Variants in ZNF385B observed in about 807,000 individuals in gnomAD.
ZNF385B encodes zinc finger protein 385B, also known as zinc finger protein 533.
Under a neutral mutation model 39.2 loss-of-function variants are expected in ZNF385B, and 23 were observed. The observed-to-expected ratio is 0.59, with a 90% CI of 0.42 to 0.83. ZNF385B has a LOEUF of 0.83. Among genes scored for constraint, ZNF385B ranks in the 40% least tolerant of loss-of-function variants. The pLI is 0.00. For synonymous variants in ZNF385B, 205 were observed against 222.6 expected, an observed-to-expected ratio of 0.92 and a Z score of 0.70; for missense variants, 552 against 598.9, an observed-to-expected ratio of 0.92 and a Z score of 0.82.
intron 3 of ZNF385B, among the ~76,000 whole-genome samples, chr2:179,634,098 A>C (rs1691495954): frequency 6.6e-6 from 1 of 152,180 alleles, no homozygotes; most frequent in Admixed American, 6.5e-5. Context: ...CTAAAACCAT[A>C]AAAAAACCTA....
intron 3 of ZNF385B, among the ~76,000 whole-genome samples, chr2:179,581,458 G>A (rs945047537): frequency 6.6e-6 from 1 of 152,148 alleles, no homozygotes; most frequent in African/African-American, 2.4e-5. Context: ...TGCAAACATA[G>A]TTTCCTAGGA....
At chr2:179,571,394 G>T (rs1418907507) in intron 3 of ZNF385B, among the ~76,000 whole-genome samples, 1 of 152,146 alleles carries the variant, frequency 6.6e-6, no homozygotes. Context: ...CTTTTAAAGA[G>T]TCTAACCTCA....
intron 6 of ZNF385B, among the ~76,000 whole-genome samples, chr2:179,460,911 G>T (rs1003089513): frequency 6.6e-5 from 10 of 152,160 alleles, no homozygotes; most frequent in African/African-American, 2.4e-4. Flanking sequence ...GGCTAGCCTT[G>T]CAACTATTAA....
In ZNF385B at chr2:179,718,233, T is replaced by C. The variant is rs192005890; in HGVS notation, c.298+51270A>G. ...AATGTAGAAAGCATTTATCTAAGAT[T>C]TTATTTATCCACACGCATGTTGACA... On this transcript the variant is annotated intron_variant, in intron 3 of 9. Coordinates refer to ENST00000410066, the MANE Select transcript of ZNF385B (RefSeq NM_152520.6). 6.3e-3 allele frequency among the ~76,000 whole-genome samples: 949 copies of C among 151,822 alleles called. 4 individuals are homozygous for C. Among genetic ancestry groups the C allele is most frequent in the Admixed American group, 0.012 (183 of 15,246 alleles).
At chr2:179,703,484 T>C (rs1425026745) in intron 3 of ZNF385B, among the ~76,000 whole-genome samples, 4 of 152,232 alleles carry the variant, frequency 2.6e-5, no homozygotes, top group Non-Finnish European at 1.5e-5. Context: ...GTATATTGTC[T>C]GTCTCCCCAT....
At chr2:179,738,786 A>C (rs1012969121) in intron 3 of ZNF385B, among the ~76,000 whole-genome samples, 3 of 152,190 alleles carry the variant, frequency 2.0e-5, no homozygotes, top group African/African-American at 7.2e-5. Flanking sequence ...CAGTTTGATA[A>C]CATCTACAGA....
At chr2:179,730,625 CA>C (rs1484858198) in intron 3 of ZNF385B, among the ~76,000 whole-genome samples, 1 of 151,974 alleles carries the variant, frequency 6.6e-6, no homozygotes, top group Non-Finnish European at 1.5e-5. Flanking sequence ...TCAATTATTG[CA>C]ATAAAGTCCA....
At chr2:179,810,590 TGTC>T (rs1177998053) in intron 1 of ZNF385B, among the ~76,000 whole-genome samples, 6 of 152,014 alleles carry the variant, frequency 3.9e-5, no homozygotes, top group African/African-American at 1.4e-4. Context: ...GGATCCACAT[TGTC>T]ATCATCATCA....
chr2:179,565,743 C>T (rs1684491285), intron 3 of ZNF385B, among the ~76,000 whole-genome samples: 2 of 152,216 alleles, frequency 1.3e-5, no homozygotes, highest in African/African-American at 2.4e-5. Context: ...TAAATTCTCT[C>T]GATTTTCAAG....
intron 1 of ZNF385B, among the ~76,000 whole-genome samples, chr2:179,857,564 C>T (rs1169921158): frequency 6.6e-6 from 1 of 152,122 alleles, no homozygotes; most frequent in African/African-American, 2.4e-5. Context: ...AGCTCAGAGA[C>T]CTGCTGTGTT....
chr2:179,462,021 C>T (rs1192158554), intron 6 of ZNF385B, among the ~76,000 whole-genome samples: 1 of 152,160 alleles, frequency 6.6e-6, no homozygotes, highest in East Asian at 1.9e-4. Flanking sequence ...GCACTTTGTG[C>T]TTTCTGAGGT....
intron 1 of ZNF385B, among the ~76,000 whole-genome samples, chr2:179,840,834 G>A (rs1475489158): frequency 6.6e-6 from 1 of 152,110 alleles, no homozygotes; most frequent in Non-Finnish European, 1.5e-5. Flanking sequence ...TGCACAAAAT[G>A]TTCTTAGGGA....
intron 3 of ZNF385B, among the ~76,000 whole-genome samples, chr2:179,757,118 T>C (rs1176908919): frequency 6.6e-6 from 1 of 152,190 alleles, no homozygotes; most frequent in African/African-American, 2.4e-5. Context: ...TCTTTGATGA[T>C]GGTGACGTAC....
At chr2:179,564,244 G>A (rs1251774851) in intron 3 of ZNF385B, among the ~76,000 whole-genome samples, 1 of 152,140 alleles carries the variant, frequency 6.6e-6, no homozygotes, top group African/African-American at 2.4e-5. Context: ...CATAGTGCAG[G>A]TATGTACCAA....
chr2:179,583,038 G>A (rs1231587150), intron 3 of ZNF385B, among the ~76,000 whole-genome samples: 2 of 151,998 alleles, frequency 1.3e-5, no homozygotes, highest in Admixed American at 6.6e-5. Context: ...TAGTAGAGAC[G>A]GGGGTTTCAC....
At position 179,443,017 on chromosome 2, in the gene ZNF385B, AG is replaced by A. The variant is rs1229500542; in HGVS notation, c.*232del. The A allele has an allele frequency of 1.7e-6, 1 of 596,596 alleles. No homozygotes were observed. The highest frequency in any genetic ancestry group is 2.9e-5 in the Admixed American group (1 of 34,912). The allele number at this position is 596,596 out of a possible 1,614,324, so 37.0% of individuals were successfully genotyped here. On this transcript the variant is annotated 3_prime_UTR_variant, in exon 10 of 10. Transcript: ENST00000410066. ...CAAATTGAACGCGGTAGGGTGGGGG[AG>A]GAAGTAGGGAGATAAAGCCTATGCT...
Position 179,453,498 on chromosome 2 carries a change from C to A in ZNF385B, c.716-6728G>T, listed in dbSNP as rs556432981. On this transcript the variant is annotated intron_variant, in intron 6 of 9. Transcript: ENST00000410066. ...GGTCTGGTTGGGAGCTTCTGAATCC[C>A]AAACTAATAAAGCTAGAAATGGAGG... is the stretch of plus-strand genomic sequence containing the variant. Among the ~76,000 whole-genome samples the A allele has an allele frequency of 1.7e-4, 26 of 152,200 alleles. No homozygotes were observed. In the East Asian group the frequency reaches 4.4e-3, roughly 26 times the overall value.
In ZNF385B at chr2:179,495,050, C is replaced by T. The variant is rs376471514; in HGVS notation, c.553-11616G>A. Among the ~76,000 whole-genome samples, 28 of 152,240 alleles carry T rather than the reference C, an allele frequency of 1.8e-4. 1 individual carries two copies. The highest frequency in any genetic ancestry group is 5.8e-4 in the African/African-American group (24 of 41,548). On this transcript the variant is annotated intron_variant, in intron 5 of 9. Coordinates refer to ENST00000410066, the MANE Select transcript of ZNF385B (RefSeq NM_152520.6). ...ACGGCCACAGAGGGATAGAGCACCA[C>T]GTGTACTCCTGGGGTCCCCAGATCC...
At chr2:179,653,821 G>A (rs1300960109) in intron 3 of ZNF385B, among the ~76,000 whole-genome samples, 7 of 152,032 alleles carry the variant, frequency 4.6e-5, no homozygotes, top group Non-Finnish European at 8.8e-5. Flanking sequence ...CCCAGCTAGC[G>A]AACAAACTCA....
Sources: allele counts gnomAD v4.1 joint callset (sites outside exome capture counted in the v4.1 genomes callset), GRCh38; gene constraint gnomAD v4.1.1; transcripts MANE v1.5; gene names NCBI Gene and HGNC (gene_info 2026-07-23, HGNC 2026-07-21).